The following AFG1L variants were observed in gnomAD, a reference collection of about 807,000 sequenced individuals.
The protein encoded by AFG1L is AFG1-like ATPase.
AFG1L carries 53 observed loss-of-function variants against 62.2 expected under a neutral mutation model. The observed-to-expected ratio is 0.85, with a 90% CI of 0.68 to 1.07. The LOEUF is 1.07. Ranked by LOEUF, AFG1L falls within the 50% of genes least tolerant of loss-of-function variation. The probability of loss-of-function intolerance (pLI) is 0.00; values close to 1 mark genes in which losing one functional copy is unlikely to be tolerated. For missense variants in AFG1L, 555 were observed against 590.5 expected (o/e 0.94, Z 0.62); for synonymous variants, 228 against 210.3 (o/e 1.08, Z -0.73).
chr6:108,339,458 ATTTTTT>A (rs538205129), intron 2 of AFG1L, among the ~76,000 whole-genome samples: 7 of 132,450 alleles, frequency 5.3e-5, no homozygotes, highest in African/African-American at 1.9e-4. Context: ...AATTCTTTAA[ATTTTTT>A]TTTTTTTTTT....
chr6:108,436,376 C>G (rs1771310456), intron 7 of AFG1L, among the ~76,000 whole-genome samples: 1 of 152,114 alleles, frequency 6.6e-6, no homozygotes, highest in Non-Finnish European at 1.5e-5. Flanking sequence ...ATCTCTTGAC[C>G]TTGTGATCTG....
chr6:108,337,820 T>G (rs573548216), intron 2 of AFG1L, among the ~76,000 whole-genome samples: 1 of 152,308 alleles, frequency 6.6e-6, no homozygotes, highest in East Asian at 1.9e-4. Context: ...GATTGGTGCT[T>G]GGTGGTTACA....
chr6:108,381,482 G>A (rs1050094547), intron 6 of AFG1L, among the ~76,000 whole-genome samples: 7 of 151,802 alleles, frequency 4.6e-5, no homozygotes, highest in Non-Finnish European at 8.8e-5. Flanking sequence ...CAGGAGAATC[G>A]CTTGAGTCCA....
intron 6 of AFG1L, among the ~76,000 whole-genome samples, chr6:108,393,557 C>G (rs879768989): frequency 7.2e-5 from 11 of 152,052 alleles, no homozygotes; most frequent in Non-Finnish European, 1.6e-4. Flanking sequence ...TCTACTTTAA[C>G]TTTGTTGATG....
chr6:108,367,502 T>C (rs1779809514), intron 6 of AFG1L, among the ~76,000 whole-genome samples: 1 of 152,008 alleles, frequency 6.6e-6, no homozygotes. Flanking sequence ...GATTTACTGA[T>C]GGAATGGAGC....
intron 3 of AFG1L, among the ~76,000 whole-genome samples, chr6:108,348,010 T>G (rs1217291391): frequency 1.3e-5 from 2 of 152,078 alleles, no homozygotes; most frequent in Non-Finnish European, 2.9e-5. Flanking sequence ...GGGGATATTA[T>G]CTTAGTAACA....
At chr6:108,316,748 G>A (rs1019050681) in intron 1 of AFG1L, among the ~76,000 whole-genome samples, 2 of 151,884 alleles carry the variant, frequency 1.3e-5, no homozygotes, top group African/African-American at 4.8e-5. Flanking sequence ...TAGCCGGGAT[G>A]GTCTCAATCT....
intron 5 of AFG1L, among the ~76,000 whole-genome samples, chr6:108,357,609 A>G (rs961999462): frequency 1.3e-5 from 2 of 152,244 alleles, no homozygotes; most frequent in Admixed American, 1.3e-4. Context: ...AAGTATTTTT[A>G]AAAAGTGTTA....
intron 5 of AFG1L, among the ~76,000 whole-genome samples, chr6:108,365,761 C>T (rs1308111273): frequency 6.6e-6 from 1 of 151,722 alleles, no homozygotes; most frequent in East Asian, 1.9e-4. Flanking sequence ...TTCTAAAGGC[C>T]CATGACCATT....
intron 10 of AFG1L, among the ~76,000 whole-genome samples, chr6:108,487,141 C>T (rs976310514): frequency 5.9e-5 from 9 of 152,184 alleles, no homozygotes; most frequent in Non-Finnish European, 1.2e-4. Flanking sequence ...TATTATACAG[C>T]GAAGCAGAGT....
chr6:108,366,277 A>T lies in AFG1L; in HGVS notation c.693A>T (p.Glu231Asp), dbSNP rs1254661636. ...CCATGATTCTGAAACAGCTTTTTGA[A>T]AATCTGTTCAAAAACGGGGTCGTCG... is the stretch of plus-strand genomic sequence containing the variant. ...ADAMILKQLFENLFKNGVVVV... is the reference protein window; with the variant it reads ...ADAMILKQLFDNLFKNGVVVV... The change falls in exon 6 of 13, where the codon GAA becomes GAT. Residue 231 changes from glutamate (E) to aspartate (D), a missense_variant. Coordinates refer to ENST00000368977, the MANE Select transcript of AFG1L (RefSeq NM_145315.5). The T allele has an allele frequency of 6.2e-7, 1 of 1,612,052 alleles. No individual in the cohort carries two copies. Among genetic ancestry groups the T allele is most frequent in the Admixed American group, 1.7e-5 (1 of 59,960 alleles).
In AFG1L at chr6:108,324,621, T is replaced by C. The variant is rs539166089; in HGVS notation, c.363+573T>C. Among the ~76,000 whole-genome samples the C allele has an allele frequency of 5.9e-5, 9 of 152,012 alleles. No individual in the cohort carries two copies. In the South Asian group the frequency reaches 1.7e-3, roughly 28 times the overall value. On this transcript the variant is annotated intron_variant, in intron 2 of 12. Transcript: ENST00000368977. ...CCTCTTATGACTCTGGGGAAGCAAC[T>C]CACAACCCTGCATTCTGCCGACACC... is the stretch of plus-strand genomic sequence containing the variant.
At chr6:108,504,824 A>G (rs1049659933) in intron 10 of AFG1L, among the ~76,000 whole-genome samples, 3 of 152,206 alleles carry the variant, frequency 2.0e-5, no homozygotes, top group Non-Finnish European at 4.4e-5. Flanking sequence ...TTTCAAAATG[A>G]GGTGAGCTGA....
chr6:108,452,211 T>G (rs1452757944), intron 8 of AFG1L, among the ~76,000 whole-genome samples: 1 of 152,174 alleles, frequency 6.6e-6, no homozygotes, highest in African/African-American at 2.4e-5. Flanking sequence ...TGCTTCAGAT[T>G]AGCTCTCTGT....
At chr6:108,435,992 A>G (rs913474946) in intron 7 of AFG1L, among the ~76,000 whole-genome samples, 3 of 152,198 alleles carry the variant, frequency 2.0e-5, no homozygotes, top group African/African-American at 7.2e-5. Context: ...CAAAACAGAC[A>G]TGATCCTGGT....
At chr6:108,411,965 C>T (rs1782139031) in intron 7 of AFG1L, among the ~76,000 whole-genome samples, 1 of 152,130 alleles carries the variant, frequency 6.6e-6, no homozygotes. Flanking sequence ...CAAAACTTCT[C>T]CAAGCTAAAG....
intron 7 of AFG1L, among the ~76,000 whole-genome samples, chr6:108,446,429 T>G (rs1352064272): frequency 6.6e-6 from 1 of 151,696 alleles, no homozygotes; most frequent in Non-Finnish European, 1.5e-5. Context: ...ACGACATCAT[T>G]CTAGTTTGGT....
chr6:108,371,296 G>T (rs1032327367), intron 6 of AFG1L, among the ~76,000 whole-genome samples: 16 of 152,132 alleles, frequency 1.1e-4, no homozygotes, highest in African/African-American at 3.9e-4. Flanking sequence ...AACTAAACAG[G>T]CTGGGTGTAA....
intron 6 of AFG1L, among the ~76,000 whole-genome samples, chr6:108,391,894 G>A (rs935085301): frequency 6.6e-6 from 1 of 152,158 alleles, no homozygotes; most frequent in Non-Finnish European, 1.5e-5. Flanking sequence ...GCTCAACATT[G>A]TAGGTAGAGA....
Sources: gnomAD v4.1 joint callset for allele counts (sites outside exome capture counted in the v4.1 genomes callset) on GRCh38, gnomAD v4.1.1 for gene constraint, MANE v1.5 for transcripts, NCBI Gene and HGNC (gene_info 2026-07-23, HGNC 2026-07-21) for gene names.